The following GRK5 variants were observed in gnomAD, a reference collection of about 807,000 sequenced individuals.
GRK5 encodes g protein-coupled receptor kinase GRK5.
GRK5 carries 40 observed loss-of-function variants against 78.4 expected under a neutral mutation model. The observed-to-expected ratio is 0.51, with a 90% CI of 0.40 to 0.66. The LOEUF (loss-of-function observed/expected upper bound fraction) is 0.66, where lower values mean the gene tolerates loss of function less well. Ranked by LOEUF, GRK5 falls within the 30% of genes least tolerant of loss-of-function variation. GRK5 has a pLI of 0.00. For synonymous variants in GRK5, 289 were observed against 296.8 expected (o/e 0.97, Z 0.27); for missense variants, 598 against 759.9 (o/e 0.79, Z 2.50).
chr10:119,453,961 C>T (rs957438405), intron 15 of GRK5, among the ~76,000 whole-genome samples: 2 of 151,990 alleles, frequency 1.3e-5, no homozygotes, highest in Non-Finnish European at 2.9e-5. Flanking sequence ...CCACCTCACC[C>T]CACACCATGA....
chr10:119,347,323 G>A lies in GRK5; in HGVS notation c.148+20712G>A, dbSNP rs537392552. On this transcript the variant is annotated intron_variant, in intron 2 of 15. Transcript: ENST00000392870. ...TATACATGCAAGTTTGTATGTGTCC[G>A]TATATTTGTGAGTGTGCATGTGTGT... 3.4e-4 allele frequency among the ~76,000 whole-genome samples: 52 copies of A among 152,156 alleles called. No individual in the cohort carries two copies. In the South Asian group the frequency reaches 9.6e-3, roughly 28 times the overall value.
intron 2 of GRK5, among the ~76,000 whole-genome samples, chr10:119,339,895 CTA>C (rs1850955306): frequency 6.6e-6 from 1 of 152,088 alleles, no homozygotes; most frequent in Admixed American, 6.5e-5. Context: ...AACTCTGTCT[CTA>C]TTAAACAAAA....
intron 1 of GRK5, among the ~76,000 whole-genome samples, chr10:119,323,602 G>A (rs1235549357): frequency 6.6e-6 from 1 of 152,208 alleles, no homozygotes; most frequent in African/African-American, 2.4e-5. Flanking sequence ...GCTGTCCCCC[G>A]GGCAGCTGCT....
Position 119,448,104 on chromosome 10 carries a change from A to T in GRK5, c.1267-19A>T. 1 of 1,527,094 alleles carries T rather than the reference A, an allele frequency of 6.5e-7. No homozygotes were observed. Among genetic ancestry groups the T allele is most frequent in the Non-Finnish European group, 8.8e-7 (1 of 1,142,364 alleles). The allele number at this position is 1,527,094 out of a possible 1,614,324, so 94.6% of individuals were successfully genotyped here. Reference sequence around the variant, plus strand: ...GGAGAGGCCCAGGGGACGTGGCTTCATGGGGCTCTCTGTTTCAGCTGCTCA... The same window carrying T: ...GGAGAGGCCCAGGGGACGTGGCTTCTTGGGGCTCTCTGTTTCAGCTGCTCA... On this transcript the variant is annotated intron_variant, in intron 12 of 15. Transcript: ENST00000392870.
At chr10:119,298,349 C>T (rs757189787) in intron 1 of GRK5, among the ~76,000 whole-genome samples, 2 of 152,150 alleles carry the variant, frequency 1.3e-5, no homozygotes, top group Non-Finnish European at 2.9e-5. Context: ...GAGTGGAGAC[C>T]TGAGGCTTCT....
At chr10:119,293,518 G>A (rs906235275) in intron 1 of GRK5, among the ~76,000 whole-genome samples, 1 of 152,258 alleles carries the variant, frequency 6.6e-6, no homozygotes, top group Admixed American at 6.5e-5. Context: ...CCAGTGCACA[G>A]CCATGGGTCT....
chr10:119,335,175 T>TCTCTCTCTCC (rs1387026472), intron 2 of GRK5, among the ~76,000 whole-genome samples: 12 of 113,210 alleles, frequency 1.1e-4, no homozygotes, highest in South Asian at 3.1e-4. Flanking sequence ...TCTCTCTCTC[T>TCTCTCTCTCC]CCCCCTCTCC....
Position 119,431,290 on chromosome 10 carries a change from A to G in GRK5, c.598-97A>G, listed in dbSNP as rs1034946833. 2 of 1,422,420 alleles carry G rather than the reference A, an allele frequency of 1.4e-6. No individual in the cohort carries two copies. The highest frequency in any genetic ancestry group is 1.4e-5 in the African/African-American group (1 of 69,348). 88.1% of individuals were successfully genotyped at this position (1,422,420 alleles called of 1,614,324 possible). The stretch of plus-strand genomic sequence containing the variant: ...GGCAGGGCCGGCTCTGACCCCATCC[A>G]TTCTCTACCTGGGAGGCCTGTGGTC... On this transcript the variant is annotated intron_variant, in intron 7 of 15. Transcript: ENST00000392870. This position sits in a 1 kb window ranked among gnomAD's most constrained non-coding sequence, Gnocchi z 4.8.
At chr10:119,339,905 A>G (rs990799142) in intron 2 of GRK5, among the ~76,000 whole-genome samples, 1 of 152,154 alleles carries the variant, frequency 6.6e-6, no homozygotes, top group Non-Finnish European at 1.5e-5. Context: ...CTATTAAACA[A>G]AAACAAAACC....
intron 2 of GRK5, among the ~76,000 whole-genome samples, chr10:119,346,274 C>T (rs1018046311): frequency 2.6e-5 from 4 of 152,210 alleles, no homozygotes; most frequent in Admixed American, 6.5e-5. Flanking sequence ...GGAGAGGTCC[C>T]CCGGAGCATG....
chr10:119,411,209 A>G (rs1219217027), intron 4 of GRK5, among the ~76,000 whole-genome samples: 2 of 152,098 alleles, frequency 1.3e-5, no homozygotes, highest in Non-Finnish European at 2.9e-5. Context: ...AAGAGGTACA[A>G]GAGATCCTCA....
rs944231943 is a variant in GRK5, at chr10:119,264,785, AC to A, written c.52+56819del. ...CCCTGGGTGGACTAAAACCACACTT[AC>A]CCACTACATGCCCTGCCCACTCCCT... On this transcript the variant is annotated intron_variant, in intron 1 of 15. Coordinates refer to ENST00000392870, the MANE Select transcript of GRK5 (RefSeq NM_005308.3). This position sits in a 1 kb window ranked among gnomAD's most constrained non-coding sequence, Gnocchi z 4.1. Among the ~76,000 whole-genome samples, 31 of 152,164 alleles carry A rather than the reference AC, an allele frequency of 2.0e-4. No homozygotes were observed. The highest frequency in any genetic ancestry group is 6.8e-4 in the African/African-American group (28 of 41,430).
At chr10:119,419,116 CT>C (rs1589799686) in intron 4 of GRK5, among the ~76,000 whole-genome samples, 4 of 152,182 alleles carry the variant, frequency 2.6e-5, no homozygotes, top group South Asian at 2.1e-4. Context: ...GGGTTCCCCC[CT>C]CTCCCTTCTC....
intron 2 of GRK5, among the ~76,000 whole-genome samples, chr10:119,373,655 G>A (rs1238189221): frequency 6.6e-6 from 1 of 152,140 alleles, no homozygotes; most frequent in East Asian, 1.9e-4. Context: ...GGTCTGAAGT[G>A]GGGTGGGGGG....
At chr10:119,215,810 G>A (rs1367163160) in intron 1 of GRK5, among the ~76,000 whole-genome samples, 4 of 152,132 alleles carry the variant, frequency 2.6e-5, no homozygotes, top group Non-Finnish European at 5.9e-5. Flanking sequence ...CTATTTTAAA[G>A]CAGTCATTTT....
At chr10:119,301,150 G>A (rs1850174815) in intron 1 of GRK5, among the ~76,000 whole-genome samples, 2 of 151,992 alleles carry the variant, frequency 1.3e-5, no homozygotes, top group Non-Finnish European at 2.9e-5. Flanking sequence ...ACTGCTGGAT[G>A]GTTTTTCATA....
intron 2 of GRK5, among the ~76,000 whole-genome samples, chr10:119,340,961 G>A (rs776495635): frequency 6.6e-5 from 10 of 152,088 alleles, no homozygotes; most frequent in Non-Finnish European, 7.4e-5. Flanking sequence ...ACCCTTTCTC[G>A]TAAAGCTGTT....
Position 119,430,248 on chromosome 10 carries a change from G to A in GRK5, c.534-127G>A, listed in dbSNP as rs1589806208. 2.5e-6 allele frequency: 2 copies of A among 786,516 alleles called. No individual in the cohort carries two copies. Among genetic ancestry groups the A allele is most frequent in the Non-Finnish European group, 4.4e-6 (2 of 451,534 alleles). 48.7% of individuals were successfully genotyped at this position (786,516 alleles called of 1,614,324 possible). A position where few individuals can be genotyped will look rare whatever the true frequency, so the allele number is the denominator to read the frequency against. Reference sequence around the variant, plus strand: ...AGTCTCCAGCGATGATTCCTGGGGGGTCCCTGGGGCTGCTGTGGGGCTCCT... The same window carrying A: ...AGTCTCCAGCGATGATTCCTGGGGGATCCCTGGGGCTGCTGTGGGGCTCCT... On this transcript the variant is annotated intron_variant, in intron 6 of 15. Coordinates refer to ENST00000392870, the MANE Select transcript of GRK5 (RefSeq NM_005308.3). This position sits in a 1 kb window ranked among gnomAD's most constrained non-coding sequence, Gnocchi z 4.5.
intron 3 of GRK5, among the ~76,000 whole-genome samples, chr10:119,382,847 C>A (rs763529538): frequency 6.6e-6 from 1 of 152,144 alleles, no homozygotes; most frequent in African/African-American, 2.4e-5. Context: ...GTTGTTCCTA[C>A]AGAAGAGCTT....
Sources: gnomAD v4.1 joint callset for allele counts (sites outside exome capture counted in the v4.1 genomes callset) on GRCh38, gnomAD v4.1.1 for gene constraint, Gnocchi (gnomAD v3.1) non-coding constraint, MANE v1.5 for transcripts, NCBI Gene and HGNC (gene_info 2026-07-23, HGNC 2026-07-21) for gene names.